GPHN: variants seen among roughly 807,000 people sequenced by gnomAD.
GPHN encodes the protein gephyrin.
Under a neutral mutation model 95.5 loss-of-function variants are expected in GPHN, and 17 were observed. That is an observed-to-expected ratio of 0.18 (90% CI 0.12 to 0.27). The LOEUF is 0.27. GPHN is among the 10% of genes least tolerant of loss of function. GPHN has a pLI of 1.00. For missense variants in GPHN, 660 were observed against 978.1 expected (o/e 0.67, Z 4.34); for synonymous variants, 320 against 322.5 (o/e 0.99, Z 0.08).
the GPHN span, chr14:67,221,881 G>T: frequency 6.3e-7 from 1 of 1,575,900 alleles, no homozygotes; most frequent in Non-Finnish European, 8.6e-7. Context: ...TCCTAGAAGA[G>T]TAGTGTGGCT....
At chr14:67,510,766 G>A in the GPHN span, among the ~76,000 whole-genome samples, 1 of 152,092 alleles carries the variant, frequency 6.6e-6, no homozygotes, top group African/African-American at 2.4e-5. Context: ...GACTAAAATG[G>A]GGTTTGGCCA....
intron 2 of GPHN, among the ~76,000 whole-genome samples, chr14:66,711,924 C>T: frequency 6.6e-6 from 1 of 152,092 alleles, no homozygotes; most frequent in Non-Finnish European, 1.5e-5. Flanking sequence ...ATGAACTCAT[C>T]CTTTTTTATG....
intron 1 of GPHN, among the ~76,000 whole-genome samples, chr14:66,542,718 AAC>A (rs2059398567): frequency 6.6e-6 from 1 of 152,178 alleles, no homozygotes; most frequent in Non-Finnish European, 1.5e-5. Flanking sequence ...CTTACCAGAT[AAC>A]AGTTATTTGC....
chr14:67,525,399 T>C, the GPHN span, among the ~76,000 whole-genome samples: 1 of 152,250 alleles, frequency 6.6e-6, no homozygotes, highest in Non-Finnish European at 1.5e-5. Context: ...ATTTTCTAGA[T>C]GAATCATAAT....
chr14:67,302,941 T>G, the GPHN span, among the ~76,000 whole-genome samples: 1 of 152,242 alleles, frequency 6.6e-6, no homozygotes, highest in Non-Finnish European at 1.5e-5. Context: ...TATCTGTAAT[T>G]GATTGTTGTT....
the GPHN span, among the ~76,000 whole-genome samples, chr14:67,221,281 G>A: frequency 6.6e-6 from 1 of 152,182 alleles, no homozygotes; most frequent in Non-Finnish European, 1.5e-5. Flanking sequence ...GCCACCCCTG[G>A]TAAAGCCAAA....
At chr14:67,534,358 A>C in the GPHN span, among the ~76,000 whole-genome samples, 1 of 151,998 alleles carries the variant, frequency 6.6e-6, no homozygotes, top group Admixed American at 6.6e-5. Flanking sequence ...GCAGGAGGAG[A>C]GCTTGATGCC....
At position 67,122,662 on chromosome 14, in the gene GPHN, G is replaced by C. The variant is rs115798599; in HGVS notation, c.1748+285G>C. Among the ~76,000 whole-genome samples, 1,335 of 152,304 alleles carry C rather than the reference G, an allele frequency of 8.8e-3. 15 individuals are homozygous for C. The highest frequency in any genetic ancestry group is 0.03 in the African/African-American group (1,263 of 41,550). On this transcript the variant is annotated intron_variant, in intron 17 of 22. Transcript: ENST00000478722. ...TGGTTTTATCCCAATGGAGCTAACA[G>C]TGATGGCATTATTCTGATGCACATT...
intron 1 of GPHN, among the ~76,000 whole-genome samples, chr14:66,553,383 C>G (rs2059893892): frequency 6.6e-6 from 1 of 152,214 alleles, no homozygotes; most frequent in Non-Finnish European, 1.5e-5. Context: ...ACTCTTTTCT[C>G]CTCTAGGATC....
chr14:67,181,954 G>A (rs755431469), downstream of GPHN, among the ~76,000 whole-genome samples: 3 of 152,116 alleles, frequency 2.0e-5, no homozygotes, highest in Non-Finnish European at 4.4e-5. Context: ...CAATATGTGG[G>A]GAAAAATGTG....
the GPHN span, among the ~76,000 whole-genome samples, chr14:67,536,273 G>A: frequency 3.3e-5 from 5 of 151,918 alleles, no homozygotes; most frequent in East Asian, 1.9e-4. Context: ...TGAGATCAGA[G>A]GAAGTTGTCC....
the GPHN span, chr14:67,651,626 G>T: frequency 2.4e-6 from 2 of 849,288 alleles, no homozygotes; most frequent in Non-Finnish European, 3.5e-6. Context: ...GTACTCATAA[G>T]GTTCTTTAGC....
chr14:66,786,414 A>G (rs987620538), intron 3 of GPHN, among the ~76,000 whole-genome samples: 3 of 152,060 alleles, frequency 2.0e-5, no homozygotes, highest in South Asian at 2.1e-4. Flanking sequence ...TGAAAAAGAA[A>G]GCCTCAGGAC....
intron 4 of GPHN, among the ~76,000 whole-genome samples, chr14:66,842,389 A>G (rs2062136171): frequency 6.6e-6 from 1 of 152,102 alleles, no homozygotes; most frequent in South Asian, 2.1e-4. Flanking sequence ...TTAGTTGACC[A>G]TCTTCCCATT....
intron 5 of GPHN, among the ~76,000 whole-genome samples, chr14:66,915,769 TA>T (rs1443323929): frequency 1.3e-5 from 2 of 152,170 alleles, no homozygotes; most frequent in Non-Finnish European, 2.9e-5. Context: ...GTAGGTAAAT[TA>T]TTCTGATTCC....
the GPHN span, among the ~76,000 whole-genome samples, chr14:67,673,356 G>A: frequency 3.1e-4 from 47 of 151,864 alleles, 1 homozygote; most frequent in African/African-American, 1.1e-3. Flanking sequence ...AAAAAAAAAT[G>A]ATAAATAATA....
At chr14:66,831,759 A>G (rs750599619) in intron 4 of GPHN, among the ~76,000 whole-genome samples, 1 of 152,218 alleles carries the variant, frequency 6.6e-6, no homozygotes, top group Non-Finnish European at 1.5e-5. Context: ...TCTAATAATA[A>G]AAATAGTCAA....
chr14:66,645,460 A>T (rs1055969989), intron 1 of GPHN, among the ~76,000 whole-genome samples: 3 of 151,924 alleles, frequency 2.0e-5, no homozygotes, highest in Non-Finnish European at 1.5e-5. Context: ...GCTGAGGCAG[A>T]TGTATTACCT....
the GPHN span, among the ~76,000 whole-genome samples, chr14:67,366,050 A>G: frequency 6.6e-6 from 1 of 151,574 alleles, no homozygotes; most frequent in Admixed American, 6.6e-5. Context: ...TCACTGTCCT[A>G]GTAGTACCTA....
Sources: allele counts gnomAD v4.1 joint callset (sites outside exome capture counted in the v4.1 genomes callset), GRCh38; gene constraint gnomAD v4.1.1; transcripts MANE v1.5; gene names NCBI Gene and HGNC (gene_info 2026-07-23, HGNC 2026-07-21).